CHID1: variants seen among roughly 807,000 people sequenced by gnomAD.
CHID1 encodes the protein chitinase domain containing 1, also known as chitinase domain-containing protein 1.
In CHID1, 44 loss-of-function variants were observed where a neutral mutation model predicts 55.4. That is an observed-to-expected ratio of 0.79 (90% CI 0.62 to 1.02). CHID1 has a LOEUF of 1.02. Among genes scored for constraint, CHID1 ranks in the 50% least tolerant of loss-of-function variants. The pLI is 0.00. For missense variants in CHID1, 491 were observed against 515.3 expected, an observed-to-expected ratio of 0.95 and a Z score of 0.46; for synonymous variants, 216 against 212.9, an observed-to-expected ratio of 1.01 and a Z score of -0.13.
intron 11 of CHID1, 27 bp downstream of exon 11, chr11:870,392 G>A: frequency 6.3e-7 from 1 of 1,578,600 alleles, no homozygotes; most frequent in Non-Finnish European, 8.7e-7. Context: ...CAAGGCCAAG[G>A]TGGGCCACGC....
chr11:903,521 C>T (rs577295627), intron 2 of CHID1: 25 of 226,642 alleles, frequency 1.1e-4, no homozygotes, highest in African/African-American at 5.6e-4. Flanking sequence ...TGGCTCACGC[C>T]TGTAATCCCA....
In CHID1 at chr11:875,903, A is replaced by T. The variant is rs2134127094; in HGVS notation, c.960-5404T>A. Among the ~76,000 whole-genome samples, 1 of 152,240 alleles carries T rather than the reference A, an allele frequency of 6.6e-6. No homozygotes were observed. The highest frequency in any genetic ancestry group is 1.5e-5 in the Non-Finnish European group (1 of 68,034). ...CTCCACTCTGCAGAGGACACAGTAT[A>T]GGCTGGAGGAGCGAGGAGGCTGGGA... On this transcript the variant is annotated intron_variant, in intron 10 of 12. Transcript: ENST00000323578. This position sits in a 1 kb window ranked among gnomAD's most constrained non-coding sequence, Gnocchi z 4.7.
intron 8 of CHID1, among the ~76,000 whole-genome samples, chr11:889,701 C>G (rs1002680329): frequency 7.2e-5 from 11 of 152,170 alleles, no homozygotes; most frequent in African/African-American, 2.4e-4. Context: ...CACAGCAGCC[C>G]TGAGGGAATG....
intron 8 of CHID1, 141 bp from the exon 9 acceptor site, chr11:884,310 C>G (rs1216307344): frequency 7.9e-6 from 5 of 633,762 alleles, no homozygotes; most frequent in African/African-American, 7.3e-5. Flanking sequence ...GTGGGGACAG[C>G]CTGCAGCTTG....
intron 10 of CHID1, among the ~76,000 whole-genome samples, chr11:872,240 C>T (rs1443908349): frequency 6.6e-6 from 1 of 152,206 alleles, no homozygotes; most frequent in Non-Finnish European, 1.5e-5. Context: ...TCACTGTAAC[C>T]TCCGCCTCCT....
In CHID1 at chr11:870,368, C is replaced by A. The variant is rs758840223; in HGVS notation, c.1040+51G>T. ...TGCTCCCTCATCTCCACCCCCAGGG[C>A]CCCTCCCTGCACACAAGGCCAAGGT... On this transcript the variant is annotated intron_variant, in intron 11 of 12. Transcript: ENST00000323578. 2.7e-6 allele frequency: 4 copies of A among 1,485,616 alleles called. No individual in the cohort carries two copies. The African/African-American group carries it at 5.5e-5, about 21-fold the overall frequency. The allele number at this position is 1,485,616 out of a possible 1,614,324, so 92.0% of individuals were successfully genotyped here. A position where few individuals can be genotyped will look rare whatever the true frequency, so the allele number is the denominator to read the frequency against.
intron 8 of CHID1, among the ~76,000 whole-genome samples, chr11:884,485 A>G (rs904132922): frequency 2.2e-4 from 34 of 152,130 alleles, no homozygotes; most frequent in Admixed American, 2.2e-3. Flanking sequence ...AGAGTGGCCA[A>G]GAGGATGGGC....
chr11:873,213 C>A (rs529135698), intron 10 of CHID1, among the ~76,000 whole-genome samples: 4 of 152,220 alleles, frequency 2.6e-5, no homozygotes, highest in South Asian at 2.1e-4. Flanking sequence ...TGAGGACGGG[C>A]AGCTGCAGGC....
intron 8 of CHID1, among the ~76,000 whole-genome samples, chr11:891,763 C>T (rs1208907716): frequency 5.9e-5 from 9 of 152,260 alleles, no homozygotes; most frequent in Admixed American, 3.3e-4. Context: ...TCTGGAAGGA[C>T]GTGTCCTCAC....
chr11:910,935 A>AGGCGGG, upstream of CHID1: 1 of 644,526 alleles, frequency 1.6e-6, no homozygotes, highest in African/African-American at 2.2e-5. Flanking sequence ...GCTGCCCGAA[A>AGGCGGG]GTCGGGGCCG....
chr11:883,213 C>T lies in CHID1; in HGVS notation c.894G>A (p.Gly298=). 6.2e-7 allele frequency: 1 copy of T among 1,614,200 alleles called. No individual in the cohort carries two copies. Among genetic ancestry groups the T allele is most frequent in the Non-Finnish European group, 8.5e-7 (1 of 1,180,028 alleles). ...KSKWRSKILL[G]LNFYGMDYAT... The stretch of plus-strand genomic sequence containing the variant: ...CGTAGTCCATACCATAGAAGTTGAG[C>T]CCCAGGAGGATTTTGCTTCGCCACT... The change falls in exon 10 of 13, where the codon GGG becomes GGA. Residue 298 remains glycine (G), a synonymous_variant. Transcript: ENST00000323578.
intron 7 of CHID1, 42 bp downstream of exon 7, chr11:899,298 G>A (rs1456975245): frequency 6.4e-7 from 1 of 1,560,384 alleles, no homozygotes; most frequent in African/African-American, 1.4e-5. Flanking sequence ...CAAACACCAG[G>A]GCCAGGAGGA....
At chr11:899,663 T>C (rs1258402751) in intron 6 of CHID1, among the ~76,000 whole-genome samples, 2 of 152,192 alleles carry the variant, frequency 1.3e-5, no homozygotes, top group Non-Finnish European at 2.9e-5. Context: ...CCCGGGGGTC[T>C]GGGGGCTCCC....
rs903759908 is a variant in CHID1, at chr11:868,532, CGT to C, written c.*1324_*1325del. On this transcript the variant is annotated 3_prime_UTR_variant, in exon 13 of 13. Transcript: ENST00000323578. ...ACACACCACTTGTATCTCCTATGCC[CGT>C]GTCAAGCAGCAGCAGGGCGGTGGGA... The C allele has an allele frequency of 6.6e-6, 1 of 152,176 alleles. No individual in the cohort carries two copies. Among genetic ancestry groups the C allele is most frequent in the Non-Finnish European group, 1.5e-5 (1 of 68,056 alleles). The allele number at this position is 152,176 out of a possible 1,614,324, so 9.4% of individuals were successfully genotyped here. A position where few individuals can be genotyped will look rare whatever the true frequency, so the allele number is the denominator to read the frequency against.
At chr11:911,065 T>C (rs1012392037), upstream of CHID1, 2 of 152,178 alleles carry the variant, frequency 1.3e-5, no homozygotes, top group African/African-American at 4.9e-5. Context: ...GGCCCAGGGG[T>C]AGCCGGGTTC....
rs1198265543 is a variant in CHID1 at position 875,599 on chromosome 11, G to T, written c.960-5100C>A. 6.6e-6 allele frequency among the ~76,000 whole-genome samples: 1 copy of T among 152,190 alleles called. No homozygotes were observed. The highest frequency in any genetic ancestry group is 2.4e-5 in the African/African-American group (1 of 41,436). ...AGCATGAGGCCGGGGATCGGGGCTG[G>T]GGTTGCTGAAACTCTTAGCGCCACA... On this transcript the variant is annotated intron_variant, in intron 10 of 12. Coordinates refer to ENST00000323578, the MANE Select transcript of CHID1 (RefSeq NM_023947.4). This position sits in a 1 kb window ranked among gnomAD's most constrained non-coding sequence, Gnocchi z 4.7.
intron 1 of CHID1, among the ~76,000 whole-genome samples, chr11:906,884 T>C (rs759536268): frequency 7.9e-5 from 12 of 151,812 alleles, no homozygotes; most frequent in Non-Finnish European, 1.5e-4. Flanking sequence ...CAAAATTAGC[T>C]GGGCGTGCTG....
chr11:911,099 G>A (rs1164739515), upstream of CHID1: 1 of 151,842 alleles, frequency 6.6e-6, no homozygotes, highest in East Asian at 2.0e-4. Flanking sequence ...TCTTAGGCAG[G>A]CCTGGCGCCC....
At chr11:907,606 T>TG (rs1852339203) in intron 1 of CHID1, among the ~76,000 whole-genome samples, 1 of 152,288 alleles carries the variant, frequency 6.6e-6, no homozygotes. Context: ...GGGACACTGC[T>TG]GGGAAGAAGC....
Sources: gnomAD v4.1 joint callset for allele counts (sites outside exome capture counted in the v4.1 genomes callset) on GRCh38, gnomAD v4.1.1 for gene constraint, Gnocchi (gnomAD v3.1) non-coding constraint, MANE v1.5 for transcripts, NCBI Gene and HGNC (gene_info 2026-07-23, HGNC 2026-07-21) for gene names.